PDE4DIP: variants seen among roughly 807,000 people sequenced by gnomAD.
PDE4DIP encodes phosphodiesterase 4D interacting protein.
In PDE4DIP, 59 loss-of-function variants were observed where a neutral mutation model predicts 221.4. The observed-to-expected ratio is 0.27, with a 90% confidence interval of 0.22 to 0.33. The LOEUF (loss-of-function observed/expected upper bound fraction) is 0.33. Among genes scored for constraint, PDE4DIP ranks in the 10% least tolerant of loss-of-function variants. The pLI is 1.00. For synonymous variants in PDE4DIP, 404 were observed against 815.9 expected (o/e 0.50, Z 8.60); for missense variants, 1,036 against 2,154.2 (o/e 0.48, Z 10.28).
intron 37 of PDE4DIP, among the ~76,000 whole-genome samples, chr1:149,023,749 T>C (rs587760633): frequency 2.5e-4 from 20 of 80,404 alleles, no homozygotes; most frequent in Non-Finnish European, 4.4e-4. Flanking sequence ...TGTATATGTG[T>C]GCACATATAT....
At chr1:148,904,926 C>T (rs369855598) in intron 1 of PDE4DIP, among the ~76,000 whole-genome samples, 4 of 108,190 alleles carry the variant, frequency 3.7e-5, no homozygotes, top group Admixed American at 9.4e-5. Flanking sequence ...ATGCTGGCTT[C>T]GTAGAATGAT....
At chr1:148,991,810 AAG>A (rs1433795710) in intron 21 of PDE4DIP, 73 bp from the exon 25 acceptor site, 10 of 634,022 alleles carry the variant, frequency 1.6e-5, no homozygotes, top group African/African-American at 5.5e-5. Flanking sequence ...AGCGGGCAAA[AAG>A]AGTATAATTT....
At chr1:148,911,882 GAGAGGCTCT>G (rs1327011630) in intron 1 of PDE4DIP, among the ~76,000 whole-genome samples, 2 of 149,866 alleles carry the variant, frequency 1.3e-5, no homozygotes, top group African/African-American at 5.0e-5. Context: ...AGTCAGCAAG[GAGAGGCTCT>G]AGAGCAAATC....
At chr1:148,898,527 CTT>C (rs57087176) in intron 1 of PDE4DIP, among the ~76,000 whole-genome samples, 3 of 42,886 alleles carry the variant, frequency 7.0e-5, no homozygotes, top group Non-Finnish European at 1.2e-4. Flanking sequence ...CTTTTTTCTT[CTT>C]TTTTTTTTTT....
upstream of PDE4DIP, among the ~76,000 whole-genome samples, chr1:148,884,897 C>A (rs1308512540): frequency 6.9e-6 from 1 of 144,258 alleles, no homozygotes; most frequent in Admixed American, 7.0e-5. Flanking sequence ...TACTTATAAT[C>A]TTTTTATAAG....
chr1:149,023,612 A>G lies in PDE4DIP; in HGVS notation c.6086-833A>G, dbSNP rs1186438335. Among the ~76,000 whole-genome samples the G allele has an allele frequency of 3.4e-4, 49 of 145,132 alleles. 3 individuals carry two copies. The highest frequency in any genetic ancestry group is 1.1e-3 in the African/African-American group (45 of 39,650). On this transcript the variant is annotated intron_variant, in intron 37 of 43. Transcript: ENST00000369354. ...CATATATGTACATGTATATGTGTGC[A>G]CATATATATGTACATGTATATGTGT...
chr1:148,866,635 G>A (rs1444182605), intron 2 of PDE4DIP: 1 of 47,274 alleles, frequency 2.1e-5, no homozygotes, highest in Non-Finnish European at 4.0e-5. Flanking sequence ...GGAGGGGGAA[G>A]GGAGGGGAGG....
chr1:149,031,957 G>C, exon 44 of PDE4DIP: 1 of 1,608,832 alleles, frequency 6.2e-7, no homozygotes, highest in Non-Finnish European at 8.5e-7. Context: ...AAATCCCTAA[G>C]GGCTCTGCCA....
chr1:149,017,788 C>T (rs782582075), exon 34 of PDE4DIP: 1 of 1,608,426 alleles, frequency 6.2e-7, no homozygotes, highest in South Asian at 1.1e-5. Context: ...AAATCCGGAA[C>T]CTGCGCCAGC....
intron 33 of PDE4DIP, chr1:149,017,526 A>T: frequency 2.2e-6 from 1 of 449,726 alleles, no homozygotes; most frequent in Non-Finnish European, 4.0e-6. Flanking sequence ...GAGGAGGCCC[A>T]TGGAGATTTT....
chr1:148,981,570 C>G, intron 21 of PDE4DIP, 173 bp downstream of exon 24: 1 of 704,726 alleles, frequency 1.4e-6, no homozygotes, highest in South Asian at 1.7e-5. Flanking sequence ...CAAGTAGCAT[C>G]AACTACAAAG....
chr1:148,937,678 G>C, intron 4 of PDE4DIP, 69 bp from the exon 8 acceptor site: 5 of 725,234 alleles, frequency 6.9e-6, no homozygotes, highest in Non-Finnish European at 9.9e-6. Context: ...TCTTTGGAAT[G>C]GGCTGAAAAA....
chr1:148,980,616 T>C (rs2060924949), intron 20 of PDE4DIP, among the ~76,000 whole-genome samples: 2 of 152,210 alleles, frequency 1.3e-5, no homozygotes, highest in South Asian at 2.1e-4. Context: ...CCTTCCCTAC[T>C]AGCCCCTTTT....
At chr1:148,970,751 A>G (rs1450771502) in intron 14 of PDE4DIP, among the ~76,000 whole-genome samples, 1 of 151,752 alleles carries the variant, frequency 6.6e-6, no homozygotes, top group Non-Finnish European at 1.5e-5. Context: ...AGAGCACAGT[A>G]TATATCTTGT....
intron 5 of PDE4DIP, among the ~76,000 whole-genome samples, chr1:148,951,609 T>G (rs1350778496): frequency 2.0e-5 from 3 of 152,040 alleles, no homozygotes; most frequent in Admixed American, 2.0e-4. Context: ...GCCCTCTACC[T>G]GAGGGAAAGG....
chr1:148,933,745 C>T (rs1373633012), intron 4 of PDE4DIP, among the ~76,000 whole-genome samples: 1 of 152,146 alleles, frequency 6.6e-6, no homozygotes, highest in Admixed American at 6.5e-5. Context: ...CTTTGCAATA[C>T]CTTTAGGAGA....
chr1:148,999,632 CT>C (rs2065149224), intron 23 of PDE4DIP, among the ~76,000 whole-genome samples: 3 of 151,514 alleles, frequency 2.0e-5, no homozygotes, highest in African/African-American at 7.3e-5. Context: ...TTAAGTTCTA[CT>C]TAAAGCATAT....
At chr1:149,023,537 A>G (rs1399673446) in intron 37 of PDE4DIP, among the ~76,000 whole-genome samples, 2 of 147,226 alleles carry the variant, frequency 1.4e-5, no homozygotes, top group African/African-American at 5.0e-5. Flanking sequence ...AAATATATAT[A>G]CATATATATA....
At chr1:148,999,314 A>G (rs1287770755) in intron 23 of PDE4DIP, among the ~76,000 whole-genome samples, 8 of 152,050 alleles carry the variant, frequency 5.3e-5, no homozygotes, top group African/African-American at 1.5e-4. Context: ...GTACAGCTGT[A>G]TGACTTCTAA....
Sources: allele counts gnomAD v4.1 joint callset (sites outside exome capture counted in the v4.1 genomes callset), GRCh38; gene constraint gnomAD v4.1.1; transcripts MANE v1.5; gene names NCBI Gene and HGNC (gene_info 2026-07-23, HGNC 2026-07-21).